Variants in GRM7 observed in about 807,000 individuals in gnomAD.
GRM7 encodes the protein glutamate metabotropic receptor 7, also known as metabotropic glutamate receptor 7.
Under a neutral mutation model 84.5 loss-of-function variants are expected in GRM7, and 35 were observed. The observed-to-expected ratio is 0.41, with a 90% confidence interval of 0.32 to 0.55. The LOEUF (loss-of-function observed/expected upper bound fraction) is 0.55, where lower values mean the gene tolerates loss of function less well. GRM7 is among the 20% of genes least tolerant of loss of function. The pLI is 0.19. For missense variants in GRM7, 1,003 were observed against 1,194.6 expected, an observed-to-expected ratio of 0.84 and a Z score of 2.36; for synonymous variants, 487 against 455.1, an observed-to-expected ratio of 1.07 and a Z score of -0.89.
At chr3:7,464,998 A>G (rs906872096) in intron 7 of GRM7, among the ~76,000 whole-genome samples, 3 of 152,094 alleles carry the variant, frequency 2.0e-5, no homozygotes, top group Non-Finnish European at 4.4e-5. Flanking sequence ...TCTGTCTCAG[A>G]AAAGAAAATG....
chr3:7,636,183 C>G (rs978834483), intron 8 of GRM7: 1 of 456,492 alleles, frequency 2.2e-6, no homozygotes, highest in African/African-American at 2.0e-5. Context: ...AGGCTAACTT[C>G]TACTCATTCT....
At chr3:6,973,774 T>G (rs1178757343) in intron 1 of GRM7, among the ~76,000 whole-genome samples, 1 of 152,200 alleles carries the variant, frequency 6.6e-6, no homozygotes, top group Non-Finnish European at 1.5e-5. Context: ...TTTGAGTGCT[T>G]GAGCTAAGGG....
chr3:7,506,801 G>A (rs1330138104), intron 7 of GRM7, among the ~76,000 whole-genome samples: 1 of 152,124 alleles, frequency 6.6e-6, no homozygotes, highest in East Asian at 1.9e-4. Context: ...ATGAATGAGG[G>A]CAGAACCCTC....
At chr3:7,387,007 A>G (rs1418750692) in intron 4 of GRM7, among the ~76,000 whole-genome samples, 2 of 152,098 alleles carry the variant, frequency 1.3e-5, no homozygotes, top group African/African-American at 4.8e-5. Flanking sequence ...ATTTGCATTT[A>G]TCTAATGATT....
chr3:6,948,055 T>A (rs146512929), intron 1 of GRM7, among the ~76,000 whole-genome samples: 11,057 of 152,270 alleles, frequency 0.073, 556 homozygotes, highest in Non-Finnish European at 0.11. Flanking sequence ...CTCTATTTCC[T>A]TCAGTTCTGC....
At chr3:7,061,273 T>C (rs1697426589) in intron 1 of GRM7, among the ~76,000 whole-genome samples, 1 of 151,836 alleles carries the variant, frequency 6.6e-6, no homozygotes, top group Admixed American at 6.6e-5. Flanking sequence ...ATGGCTGGAA[T>C]AGTATTACTA....
At chr3:7,501,283 G>A (rs1699874336) in intron 7 of GRM7, among the ~76,000 whole-genome samples, 2 of 152,268 alleles carry the variant, frequency 1.3e-5, no homozygotes, top group South Asian at 4.1e-4. Flanking sequence ...TCACCCTTTT[G>A]AACATGGCAC....
chr3:7,578,519 G>A lies in GRM7; in HGVS notation c.1613G>A (p.Gly538Glu). The change falls in exon 8 of 10, where the codon GGA (glycine) becomes GAA (glutamate). Residue 538 changes from glycine (G) to glutamate (E), a missense_variant. By Grantham distance (98) the Gly-to-Glu change is moderately conservative. Coordinates refer to ENST00000357716, the MANE Select transcript of GRM7 (RefSeq NM_000844.4). Reference protein sequence around the residue: ...KPGQRKKTQKGTPCCWTCEPC... With the variant: ...KPGQRKKTQKETPCCWTCEPC... ...GGACAGAGAAAGAAGACACAGAAAG[G>A]AACTCCTTGCTGTTGGACCTGTGAG... 6.2e-7 allele frequency: 1 copy of A among 1,613,922 alleles called. No homozygotes were observed. Among genetic ancestry groups the A allele is most frequent in the East Asian group, 2.2e-5 (1 of 44,866 alleles).
At chr3:7,480,355 G>A (rs1299311404) in intron 7 of GRM7, among the ~76,000 whole-genome samples, 2 of 152,126 alleles carry the variant, frequency 1.3e-5, no homozygotes, top group Non-Finnish European at 2.9e-5. Context: ...GTGATATATA[G>A]AAAAAGGAAG....
chr3:7,298,483 G>A (rs1333393317), intron 2 of GRM7: 4 of 538,840 alleles, frequency 7.4e-6, no homozygotes, highest in African/African-American at 3.8e-5. Context: ...AGAGGATGTC[G>A]TGTAATACCA....
chr3:7,390,762 C>T (rs1694959450), intron 4 of GRM7, among the ~76,000 whole-genome samples: 1 of 151,682 alleles, frequency 6.6e-6, no homozygotes, highest in Non-Finnish European at 1.5e-5. Flanking sequence ...CTTTTTCTGT[C>T]CTCTTTGTGT....
At chr3:7,600,934 C>T (rs1318726127) in intron 8 of GRM7, among the ~76,000 whole-genome samples, 1 of 152,108 alleles carries the variant, frequency 6.6e-6, no homozygotes, top group East Asian at 1.9e-4. Flanking sequence ...GCAATGTCTA[C>T]CAGTGCAACT....
chr3:7,429,805 T>C (rs2124845898), intron 5 of GRM7, among the ~76,000 whole-genome samples: 1 of 152,330 alleles, frequency 6.6e-6, no homozygotes, highest in East Asian at 1.9e-4. Context: ...GTTAACACAA[T>C]TTAAAAATAA....
In GRM7 at chr3:7,203,025, T is replaced by A. The variant is rs189778772; in HGVS notation, c.736+56357T>A. On this transcript the variant is annotated intron_variant, in intron 2 of 9. Transcript: ENST00000357716. ...TCCAACCAAGTCAGGGTAGAGGAGG[T>A]ATCCATCACCTTTCGTCATTTCTAT... Among the ~76,000 whole-genome samples the A allele has an allele frequency of 2.3e-3, 352 of 152,266 alleles. 1 individual carries two copies. The highest frequency in any genetic ancestry group is 3.6e-3 in the Non-Finnish European group (243 of 68,018).
At chr3:7,611,408 G>A (rs1696840652) in intron 8 of GRM7, among the ~76,000 whole-genome samples, 1 of 152,104 alleles carries the variant, frequency 6.6e-6, no homozygotes, top group Non-Finnish European at 1.5e-5. Context: ...ACAAGAAATG[G>A]CTTTGTATCA....
chr3:7,622,889 C>G (rs1167961225), intron 8 of GRM7, among the ~76,000 whole-genome samples: 1 of 152,114 alleles, frequency 6.6e-6, no homozygotes, highest in Non-Finnish European at 1.5e-5. Flanking sequence ...TAACCACACA[C>G]CCTGCTGCCT....
chr3:7,677,274 A>AC (rs59444788), intron 8 of GRM7, among the ~76,000 whole-genome samples: 11,949 of 127,442 alleles, frequency 0.094, 928 homozygotes, highest in African/African-American at 0.23. Flanking sequence ...AAAAAAAAAA[A>AC]AAAAAAAAAA....
At chr3:7,318,026 C>T (rs750508249) in intron 4 of GRM7, among the ~76,000 whole-genome samples, 31 of 151,780 alleles carry the variant, frequency 2.0e-4, no homozygotes, top group Admixed American at 1.8e-3. Context: ...AGTCTAAAAT[C>T]TGAAACTGAA....
At chr3:6,992,228 A>G (rs1694667498) in intron 1 of GRM7, among the ~76,000 whole-genome samples, 1 of 152,166 alleles carries the variant, frequency 6.6e-6, no homozygotes, top group Non-Finnish European at 1.5e-5. Flanking sequence ...ATTTACTACT[A>G]TTCAATACAC....
Sources: gnomAD v4.1 joint callset for allele counts (sites outside exome capture counted in the v4.1 genomes callset) on GRCh38, gnomAD v4.1.1 for gene constraint, MANE v1.5 for transcripts, NCBI Gene and HGNC (gene_info 2026-07-23, HGNC 2026-07-21) for gene names.